The following CHSY3 variants were observed in gnomAD, a reference collection of about 807,000 sequenced individuals.
CHSY3 encodes the protein chondroitin sulfate synthase 3.
A neutral mutation model predicts 67.2 loss-of-function variants in CHSY3; 35 were observed. That is an observed-to-expected ratio of 0.52 (90% CI 0.40 to 0.69). The LOEUF (loss-of-function observed/expected upper bound fraction) is 0.69, where lower values mean the gene tolerates loss of function less well. CHSY3 is among the 30% of genes least tolerant of loss of function. CHSY3 has a pLI of 0.00. For missense variants in CHSY3, 1,069 were observed against 1,138.5 expected, an observed-to-expected ratio of 0.94 and a Z score of 0.88; for synonymous variants, 474 against 434.7, an observed-to-expected ratio of 1.09 and a Z score of -1.12.
intron 2 of CHSY3, among the ~76,000 whole-genome samples, chr5:130,068,860 T>C (rs1765968784): frequency 6.6e-6 from 1 of 152,100 alleles, no homozygotes; most frequent in Non-Finnish European, 1.5e-5. Context: ...AGCAAATTTG[T>C]CAAGGAAAGG....
intron 2 of CHSY3, among the ~76,000 whole-genome samples, chr5:129,941,676 A>G (rs1761704134): frequency 6.6e-6 from 1 of 152,174 alleles, no homozygotes; most frequent in Admixed American, 6.5e-5. Context: ...TACTACCGCA[A>G]CAGTCAACAC....
chr5:130,022,028 G>C (rs1009854602), intron 2 of CHSY3, among the ~76,000 whole-genome samples: 1 of 152,056 alleles, frequency 6.6e-6, no homozygotes, highest in Non-Finnish European at 1.5e-5. Context: ...TAGGTCATTT[G>C]CTGGGAAGGT....
At chr5:130,162,057 A>AAAAAAAAAAAAAAAAG (rs1554087189) in intron 2 of CHSY3, among the ~76,000 whole-genome samples, 62 of 122,964 alleles carry the variant, frequency 5.0e-4, no homozygotes, top group Non-Finnish European at 7.8e-4. Context: ...AAAAAAAAAA[A>AAAAAAAAAAAAAAAAG]AAAGAAAGAA....
chr5:129,950,308 C>G (rs934206008), intron 2 of CHSY3, among the ~76,000 whole-genome samples: 25 of 152,102 alleles, frequency 1.6e-4, no homozygotes, highest in Admixed American at 1.4e-3. Flanking sequence ...TATGATAAGC[C>G]TGCACCATCA....
intron 2 of CHSY3, among the ~76,000 whole-genome samples, chr5:130,100,666 G>A (rs945124150): frequency 1.3e-5 from 2 of 152,092 alleles, no homozygotes; most frequent in Non-Finnish European, 2.9e-5. Context: ...AATTAATAGG[G>A]TAAGAGCTTT....
intron 2 of CHSY3, chr5:130,001,538 G>A: frequency 3.3e-6 from 3 of 922,358 alleles, no homozygotes; most frequent in African/African-American, 1.8e-5. Context: ...AGATACGCAG[G>A]ACCCCATGGA....
At chr5:129,988,891 A>G (rs1220372850) in intron 2 of CHSY3, among the ~76,000 whole-genome samples, 1 of 152,182 alleles carries the variant, frequency 6.6e-6, no homozygotes, top group Non-Finnish European at 1.5e-5. Context: ...TTCTGTACCA[A>G]CATCATCAGA....
intron 2 of CHSY3, among the ~76,000 whole-genome samples, chr5:130,045,321 C>T (rs756308280): frequency 4.6e-5 from 7 of 152,068 alleles, no homozygotes; most frequent in Non-Finnish European, 8.8e-5. Context: ...TACATTCACA[C>T]TTGAGTTATG....
At chr5:130,116,597 G>A (rs1466187981) in intron 2 of CHSY3, among the ~76,000 whole-genome samples, 4 of 152,048 alleles carry the variant, frequency 2.6e-5, no homozygotes, top group East Asian at 3.9e-4. Flanking sequence ...TTATTCCACC[G>A]TCGTGGGTGC....
intron 2 of CHSY3, among the ~76,000 whole-genome samples, chr5:129,925,751 A>G (rs1359467902): frequency 2.0e-5 from 3 of 152,068 alleles, no homozygotes; most frequent in Non-Finnish European, 4.4e-5. Context: ...GGTAAACACC[A>G]TTCTACTCTC....
chr5:130,107,375 A>T (rs1767442579), intron 2 of CHSY3, among the ~76,000 whole-genome samples: 1 of 151,360 alleles, frequency 6.6e-6, no homozygotes, highest in African/African-American at 2.4e-5. Flanking sequence ...AGTAGTATAT[A>T]TTTAACAACG....
chr5:130,145,388 T>C (rs1293174147), intron 2 of CHSY3, among the ~76,000 whole-genome samples: 1 of 152,116 alleles, frequency 6.6e-6, no homozygotes, highest in Non-Finnish European at 1.5e-5. Context: ...AAATTTGATA[T>C]CCACATGCAG....
chr5:130,011,829 G>A (rs900990371), intron 2 of CHSY3, among the ~76,000 whole-genome samples: 5 of 152,134 alleles, frequency 3.3e-5, no homozygotes, highest in Non-Finnish European at 7.3e-5. Flanking sequence ...CATTCAAGCT[G>A]AGAGCTAAAT....
chr5:130,072,546 G>T (rs1035874253), intron 2 of CHSY3, among the ~76,000 whole-genome samples: 1 of 152,014 alleles, frequency 6.6e-6, no homozygotes, highest in Non-Finnish European at 1.5e-5. Context: ...GTACCATGCT[G>T]TTTTGATTAC....
intron 2 of CHSY3, among the ~76,000 whole-genome samples, chr5:130,161,246 T>A (rs1769534902): frequency 6.6e-6 from 1 of 152,132 alleles, no homozygotes; most frequent in South Asian, 2.1e-4. Context: ...TGATTAATCC[T>A]TTGACCACTT....
At chr5:130,114,027 A>AT (rs1402852961) in intron 2 of CHSY3, among the ~76,000 whole-genome samples, 1 of 151,998 alleles carries the variant, frequency 6.6e-6, no homozygotes, top group Non-Finnish European at 1.5e-5. Context: ...TTTTATTCAT[A>AT]TTTTTTCTTC....
intron 2 of CHSY3, among the ~76,000 whole-genome samples, chr5:130,009,455 G>C (rs1763982319): frequency 6.6e-6 from 1 of 151,706 alleles, no homozygotes; most frequent in South Asian, 2.1e-4. Flanking sequence ...CTTTGAAGAG[G>C]TCCTTAAAGG....
intron 2 of CHSY3, among the ~76,000 whole-genome samples, chr5:130,168,086 G>T (rs1031499275): frequency 6.6e-6 from 1 of 151,950 alleles, no homozygotes; most frequent in African/African-American, 2.4e-5. Context: ...TAGTTGAAAG[G>T]TCCCCAAAAC....
At chr5:129,959,216 T>C (rs1762262745) in intron 2 of CHSY3, among the ~76,000 whole-genome samples, 1 of 152,142 alleles carries the variant, frequency 6.6e-6, no homozygotes, top group Admixed American at 6.6e-5. Context: ...CATTTTTAGA[T>C]ACTTTTGCCT....
Sources: gnomAD v4.1 joint callset for allele counts (sites outside exome capture counted in the v4.1 genomes callset) on GRCh38, gnomAD v4.1.1 for gene constraint, MANE v1.5 for transcripts, NCBI Gene and HGNC (gene_info 2026-07-23, HGNC 2026-07-21) for gene names.